SPOCK3: variants seen among roughly 807,000 people sequenced by gnomAD.
SPOCK3 encodes testican-3.
SPOCK3 carries 30 observed loss-of-function variants against 56.6 expected under a neutral mutation model. The ratio of observed to expected loss-of-function variants is 0.53; its 90% CI spans 0.40 to 0.72. SPOCK3 has a LOEUF of 0.72. Among genes scored for constraint, SPOCK3 ranks in the 30% least tolerant of loss-of-function variants. The probability of loss-of-function intolerance (pLI) is 0.00; values close to 1 mark genes in which losing one functional copy is unlikely to be tolerated. For synonymous variants in SPOCK3, 196 were observed against 183.3 expected (o/e 1.07, Z -0.56); for missense variants, 527 against 530.0 (o/e 0.99, Z 0.06).
chr4:166,805,804 A>T (rs953690506), intron 6 of SPOCK3, among the ~76,000 whole-genome samples: 8 of 152,116 alleles, frequency 5.3e-5, no homozygotes, highest in African/African-American at 1.9e-4. Context: ...AGAGCAAAAT[A>T]TGTAAGTCTG....
At chr4:167,113,335 G>T (rs1156747693) in intron 2 of SPOCK3, among the ~76,000 whole-genome samples, 8 of 151,332 alleles carry the variant, frequency 5.3e-5, no homozygotes, top group African/African-American at 1.9e-4. Flanking sequence ...ACATTTATAT[G>T]AGTATGCACT....
intron 7 of SPOCK3, 60 bp downstream of exon 7, chr4:166,792,110 T>A (rs1741420531): frequency 3.8e-6 from 6 of 1,594,276 alleles, no homozygotes; most frequent in Non-Finnish European, 5.2e-6. Context: ...TCTAAGTGGT[T>A]CATTGGAAAT....
At chr4:166,868,492 T>C (rs1017355045) in intron 6 of SPOCK3, among the ~76,000 whole-genome samples, 2 of 151,976 alleles carry the variant, frequency 1.3e-5, no homozygotes, top group African/African-American at 4.8e-5. Context: ...ACAATGAGTA[T>C]AAATCTTACA....
chr4:166,960,849 C>T (rs958301873), intron 4 of SPOCK3, among the ~76,000 whole-genome samples: 5 of 151,014 alleles, frequency 3.3e-5, no homozygotes, highest in African/African-American at 9.9e-5. Context: ...TTTCAGGGAA[C>T]TGGGAACTGA....
chr4:167,030,097 C>CTATT (rs1561138413), intron 3 of SPOCK3, among the ~76,000 whole-genome samples: 1 of 95,458 alleles, frequency 1.0e-5, no homozygotes, highest in Admixed American at 8.9e-5. Context: ...ATCTATCTAT[C>CTATT]TATCTATCTA....
At chr4:167,206,941 A>G (rs1380864669) in intron 2 of SPOCK3, among the ~76,000 whole-genome samples, 1 of 152,096 alleles carries the variant, frequency 6.6e-6, no homozygotes, top group East Asian at 1.9e-4. Flanking sequence ...GACTATAGCT[A>G]GAAGGACATG....
chr4:167,116,204 C>T (rs563536967), intron 2 of SPOCK3, among the ~76,000 whole-genome samples: 265 of 151,722 alleles, frequency 1.7e-3, no homozygotes, highest in Non-Finnish European at 3.4e-3. Context: ...GACACATACA[C>T]ACACCCCAAA....
intron 5 of SPOCK3, 26 bp downstream of exon 5, chr4:166,912,594 A>G (rs780562009): frequency 6.2e-7 from 1 of 1,611,580 alleles, no homozygotes; most frequent in East Asian, 2.2e-5. Context: ...CCTTATTTCA[A>G]ACTAAACAAC....
chr4:166,844,092 A>T (rs573871674), intron 6 of SPOCK3, among the ~76,000 whole-genome samples: 1 of 152,346 alleles, frequency 6.6e-6, no homozygotes, highest in East Asian at 1.9e-4. Context: ...GCCCAGACTG[A>T]AAGTGGTTCT....
chr4:166,783,611 T>A (rs1740414635), intron 7 of SPOCK3, among the ~76,000 whole-genome samples: 1 of 152,148 alleles, frequency 6.6e-6, no homozygotes, highest in African/African-American at 2.4e-5. Flanking sequence ...TTAACACTCA[T>A]TAATGTCTCA....
intron 2 of SPOCK3, among the ~76,000 whole-genome samples, chr4:167,223,921 A>G (rs574898337): frequency 5.1e-4 from 77 of 152,216 alleles, no homozygotes; most frequent in African/African-American, 1.8e-3. Flanking sequence ...AATTTTTAGT[A>G]CTTACCTCAT....
chr4:166,847,647 T>TATATATATATATATA (rs1748203803), intron 6 of SPOCK3, among the ~76,000 whole-genome samples: 7 of 55,368 alleles, frequency 1.3e-4, no homozygotes, highest in Admixed American at 3.9e-4. Flanking sequence ...AAATCCTAGT[T>TATATATATATATATA]TATATATATA....
chr4:167,064,025 C>G (rs1362410280), intron 2 of SPOCK3, among the ~76,000 whole-genome samples: 1 of 151,728 alleles, frequency 6.6e-6, no homozygotes, highest in Non-Finnish European at 1.5e-5. Flanking sequence ...AATCTTCTTT[C>G]TAGCCTCTTT....
intron 3 of SPOCK3, among the ~76,000 whole-genome samples, chr4:167,043,815 A>G (rs941987760): frequency 2.0e-5 from 3 of 151,934 alleles, no homozygotes; most frequent in Non-Finnish European, 4.4e-5. Flanking sequence ...TAATCTTATA[A>G]TACATTTTTG....
intron 3 of SPOCK3, among the ~76,000 whole-genome samples, chr4:167,053,168 G>A (rs748258123): frequency 6.6e-6 from 1 of 152,088 alleles, no homozygotes; most frequent in South Asian, 2.1e-4. Context: ...TAAATACAAT[G>A]GATAAGTATA....
chr4:167,141,032 C>T (rs1689651394), intron 2 of SPOCK3, among the ~76,000 whole-genome samples: 3 of 151,890 alleles, frequency 2.0e-5, no homozygotes, highest in Non-Finnish European at 1.5e-5. Flanking sequence ...ATTCTCTTGG[C>T]CCCTGCAATC....
intron 2 of SPOCK3, among the ~76,000 whole-genome samples, chr4:167,170,516 G>A (rs1730412748): frequency 6.6e-6 from 1 of 152,104 alleles, no homozygotes; most frequent in Admixed American, 6.5e-5. Flanking sequence ...TACTTTACTT[G>A]TATTAACTCA....
At chr4:167,067,375 A>T (rs964363971) in intron 2 of SPOCK3, among the ~76,000 whole-genome samples, 5 of 151,904 alleles carry the variant, frequency 3.3e-5, no homozygotes, top group African/African-American at 1.2e-4. Flanking sequence ...CTATAAAAAG[A>T]TCACATCATT....
At chr4:166,754,832 G>T in intron 7 of SPOCK3, 103 bp from the exon 8 acceptor site, 1 of 974,622 alleles carries the variant, frequency 1.0e-6, no homozygotes, top group South Asian at 1.6e-5. Context: ...GACATCTAAT[G>T]AATAGTTAGA....
Sources: gnomAD v4.1 joint callset for allele counts (sites outside exome capture counted in the v4.1 genomes callset) on GRCh38, gnomAD v4.1.1 for gene constraint, MANE v1.5 for transcripts, NCBI Gene and HGNC (gene_info 2026-07-23, HGNC 2026-07-21) for gene names.